The following CCDC170 variants were observed in gnomAD, a reference collection of about 807,000 sequenced individuals.
CCDC170 encodes the protein coiled-coil domain-containing protein 170.
A neutral mutation model predicts 72.6 loss-of-function variants in CCDC170; 69 were observed. The ratio of observed to expected loss-of-function variants is 0.95; its 90% CI spans 0.78 to 1.16. The LOEUF (loss-of-function observed/expected upper bound fraction) is 1.16, where lower values mean the gene tolerates loss of function less well. Among genes scored for constraint, CCDC170 ranks in the 50% most tolerant of loss-of-function variants. The pLI is 0.00. For synonymous variants in CCDC170, 300 were observed against 303.9 expected, an observed-to-expected ratio of 0.99 and a Z score of 0.13; for missense variants, 852 against 832.5, an observed-to-expected ratio of 1.02 and a Z score of -0.29.
intron 9 of CCDC170, among the ~76,000 whole-genome samples, chr6:151,598,284 C>T (rs1239917180): frequency 6.6e-6 from 1 of 152,112 alleles, no homozygotes. Flanking sequence ...CTAATCCTGG[C>T]TGGAAGAGGC....
Position 151,593,564 on chromosome 6 carries a change from T to G in CCDC170, c.1467+284T>G, listed in dbSNP as rs145355607. On this transcript the variant is annotated intron_variant, in intron 8 of 10. Transcript: ENST00000239374. ...GTTTGTTTGTTTTTTCTCACACAAA[T>G]TCCTGGAGACAGGAAGTTTGGGGCT... 3.3e-5 allele frequency among the ~76,000 whole-genome samples: 5 copies of G among 152,244 alleles called. No individual in the cohort carries two copies. In the East Asian group the frequency reaches 9.7e-4, roughly 29 times the overall value.
intron 5 of CCDC170, among the ~76,000 whole-genome samples, chr6:151,563,126 G>C (rs1161137164): frequency 1.3e-5 from 2 of 152,122 alleles, no homozygotes; most frequent in Admixed American, 6.5e-5. Flanking sequence ...CCGGGATGGT[G>C]CCATTCTGTG....
intron 1 of CCDC170, among the ~76,000 whole-genome samples, chr6:151,511,742 T>C (rs1314186932): frequency 6.6e-6 from 1 of 152,228 alleles, no homozygotes; most frequent in Non-Finnish European, 1.5e-5. Flanking sequence ...CAAGATGTTT[T>C]TGAGAGGTCC....
intron 1 of CCDC170, among the ~76,000 whole-genome samples, chr6:151,535,717 T>A (rs548545189): frequency 6.6e-6 from 1 of 152,196 alleles, no homozygotes; most frequent in African/African-American, 2.4e-5. Flanking sequence ...CAAATACCAT[T>A]TGAGTCGGGT....
intron 5 of CCDC170, among the ~76,000 whole-genome samples, chr6:151,557,134 C>T (rs116420640): frequency 0.017 from 2,541 of 152,102 alleles, 85 homozygotes; most frequent in African/African-American, 0.058. Flanking sequence ...TCAGGCCTGG[C>T]GCAGAGGCTC....
intron 1 of CCDC170, among the ~76,000 whole-genome samples, chr6:151,520,235 T>A (rs1782297673): frequency 6.6e-6 from 1 of 152,202 alleles, no homozygotes; most frequent in Admixed American, 6.5e-5. Flanking sequence ...CTTCCCCTTG[T>A]GATAAGTGCC....
In CCDC170 at chr6:151,619,915, T is replaced by A. The variant is rs1389969388; in HGVS notation, c.*1768T>A. 1 of 152,162 alleles carries A rather than the reference T, an allele frequency of 6.6e-6. No homozygotes were observed. The highest frequency in any genetic ancestry group is 1.5e-5 in the Non-Finnish European group (1 of 68,040). 9.4% of individuals were successfully genotyped at this position (152,162 alleles called of 1,614,324 possible). The stretch of plus-strand genomic sequence containing the variant: ...GAAATTAAAGAGATGAAACAATCAA[T>A]TGCAAGGGTCAAAACTAGATTGGAT... On this transcript the variant is annotated 3_prime_UTR_variant, in exon 11 of 11. Coordinates refer to ENST00000239374, the MANE Select transcript of CCDC170 (RefSeq NM_025059.4).
intron 5 of CCDC170, among the ~76,000 whole-genome samples, chr6:151,552,800 TTTTTTTTG>T: frequency 7.0e-6 from 1 of 143,690 alleles, no homozygotes; most frequent in African/African-American, 2.6e-5. Flanking sequence ...TTTTTTTTTT[TTTTTTTTG>T]AGACAGAGTC....
intron 5 of CCDC170, among the ~76,000 whole-genome samples, chr6:151,557,320 A>G (rs961280815): frequency 1.3e-5 from 2 of 151,856 alleles, no homozygotes; most frequent in African/African-American, 4.8e-5. Context: ...GAGGCAGGAG[A>G]ATGGCATGAA....
chr6:151,501,578 T>C (rs1451419377), intron 1 of CCDC170, among the ~76,000 whole-genome samples: 1 of 152,206 alleles, frequency 6.6e-6, no homozygotes, highest in Non-Finnish European at 1.5e-5. Context: ...AGCTTTAACA[T>C]TTAGTTTCTC....
chr6:151,583,313 C>T (rs1358728138), intron 6 of CCDC170, among the ~76,000 whole-genome samples: 3 of 151,248 alleles, frequency 2.0e-5, no homozygotes, highest in South Asian at 2.1e-4. Context: ...CTTTTAATTT[C>T]CTTCAAGAAC....
chr6:151,513,829 A>G (rs1782185675), intron 1 of CCDC170, among the ~76,000 whole-genome samples: 1 of 148,222 alleles, frequency 6.7e-6, no homozygotes, highest in Non-Finnish European at 1.5e-5. Context: ...CTGAGGCAGG[A>G]GAATCGCTTG....
chr6:151,617,628 C>T (rs894220287), intron 10 of CCDC170, among the ~76,000 whole-genome samples: 1 of 151,890 alleles, frequency 6.6e-6, no homozygotes, highest in Non-Finnish European at 1.5e-5. Flanking sequence ...TTAATCCCAA[C>T]CTGGAGATGA....
At chr6:151,607,165 G>A (rs953818138) in intron 9 of CCDC170, among the ~76,000 whole-genome samples, 15 of 152,034 alleles carry the variant, frequency 9.9e-5, no homozygotes, top group African/African-American at 3.4e-4. Context: ...AGTAGAGCAG[G>A]CATTTGAGAC....
intron 1 of CCDC170, among the ~76,000 whole-genome samples, chr6:151,514,360 G>GGAAGGGAAGAAGGGAGA (rs1782200702): frequency 7.4e-6 from 1 of 135,372 alleles, no homozygotes; most frequent in Non-Finnish European, 1.6e-5. Context: ...AGGGAGGGAG[G>GGAAGGGAAGAAGGGAGA]GAGGGAGGGA....
At chr6:151,572,257 G>A (rs1422215562) in intron 5 of CCDC170, among the ~76,000 whole-genome samples, 2 of 151,926 alleles carry the variant, frequency 1.3e-5, no homozygotes, top group East Asian at 3.9e-4. Flanking sequence ...CTTTCTTCAG[G>A]TTCTTTCTGC....
At chr6:151,557,799 G>A (rs1028341430) in intron 5 of CCDC170, among the ~76,000 whole-genome samples, 2 of 152,148 alleles carry the variant, frequency 1.3e-5, no homozygotes, top group Non-Finnish European at 2.9e-5. Flanking sequence ...TTTCCCTGAT[G>A]ATCAGTGATG....
intron 5 of CCDC170, among the ~76,000 whole-genome samples, chr6:151,561,157 C>T (rs900641995): frequency 6.6e-6 from 1 of 151,810 alleles, no homozygotes; most frequent in Non-Finnish European, 1.5e-5. Context: ...GTGTAATAAT[C>T]ATATCATGAA....
intron 1 of CCDC170, among the ~76,000 whole-genome samples, chr6:151,508,214 T>C (rs1052267956): frequency 4.6e-5 from 7 of 152,064 alleles, no homozygotes; most frequent in Admixed American, 6.6e-5. Context: ...CTTATTAAGG[T>C]TTCAAGCATA....
Sources: allele counts gnomAD v4.1 joint callset (sites outside exome capture counted in the v4.1 genomes callset), GRCh38; gene constraint gnomAD v4.1.1; transcripts MANE v1.5; gene names NCBI Gene and HGNC (gene_info 2026-07-23, HGNC 2026-07-21).